The following NDST1 variants were observed in gnomAD, a reference collection of about 807,000 sequenced individuals.
NDST1 encodes the protein bifunctional heparan sulfate N-deacetylase/N-sulfotransferase 1.
In NDST1, 35 loss-of-function variants were observed where a neutral mutation model predicts 92.8. The observed-to-expected ratio is 0.38, with a 90% CI of 0.29 to 0.50. NDST1 has a LOEUF of 0.50. NDST1 is among the 20% of genes least tolerant of loss of function. NDST1 has a pLI of 0.94. For missense variants in NDST1, 822 were observed against 1,182.7 expected (o/e 0.69, Z 4.47); for synonymous variants, 493 against 500.3 (o/e 0.99, Z 0.19).
chr5:150,528,397 T>A, intron 3 of NDST1, 99 bp downstream of exon 3: 1 of 1,352,348 alleles, frequency 7.4e-7, no homozygotes, highest in Non-Finnish European at 1.0e-6. Flanking sequence ...GCATCTCCCC[T>A]ATGCTGGGAG....
intron 2 of NDST1, among the ~76,000 whole-genome samples, chr5:150,526,249 T>C (rs1377824235): frequency 6.6e-6 from 1 of 152,222 alleles, no homozygotes; most frequent in African/African-American, 2.4e-5. Flanking sequence ...ACCTCCTCTG[T>C]GTAGCATGTG....
At chr5:150,550,122 A>G (rs1233180516) in intron 13 of NDST1, among the ~76,000 whole-genome samples, 1 of 129,646 alleles carries the variant, frequency 7.7e-6, no homozygotes, top group Admixed American at 7.8e-5. Context: ...TTTTTTTTTT[A>G]GACAGGGTCA....
chr5:150,510,795 G>A (rs1187440141), intron 1 of NDST1, among the ~76,000 whole-genome samples: 2 of 152,248 alleles, frequency 1.3e-5, no homozygotes, highest in Non-Finnish European at 2.9e-5. Flanking sequence ...TTTCCTTGTT[G>A]ATTGACGGAT....
At chr5:150,498,807 C>A (rs909252210) in intron 1 of NDST1, among the ~76,000 whole-genome samples, 1 of 152,198 alleles carries the variant, frequency 6.6e-6, no homozygotes, top group African/African-American at 2.4e-5. Context: ...GGCTGGCGGC[C>A]CCTCCTCCCG....
In NDST1 at chr5:150,553,282, G is replaced by A; in HGVS notation, c.2599G>A (p.Gly867Ser). ...GCTCTCCAAGCTGCTGTATAAGATG[G>A]GCCAGACACTTCCCACTTGGCTACG... ...IELSKLLYKMGQTLPTWLRED... is the reference protein window; with the variant it reads ...IELSKLLYKMSQTLPTWLRED... Residue 867 changes from glycine to serine, a missense_variant, in exon 15 of 15, where the codon GGC becomes AGC. Coordinates refer to ENST00000261797, the MANE Select transcript of NDST1 (RefSeq NM_001543.5). This position sits in a 1 kb window ranked among gnomAD's most constrained non-coding sequence, Gnocchi z 4.2. 1 of 1,613,854 alleles carries A rather than the reference G, an allele frequency of 6.2e-7. No homozygotes were observed. The highest frequency in any genetic ancestry group is 8.5e-7 in the Non-Finnish European group (1 of 1,179,832).
chr5:150,528,048 G>A lies in NDST1; in HGVS notation c.758G>A (p.Gly253Asp). ...TRSSESIPHL[G>D]ADAGLHAALH... is the part of the protein sequence containing the mutation. ...TCGTCTGAGTCCATCCCACACCTGG[G>A]CGCAGACGCCGGCCTGCATGCTGCA... The change falls in exon 3 of 15, where the codon GGC becomes GAC. Residue 253 changes from glycine (G) to aspartate (D), a missense_variant. Gly to Asp is a moderately conservative substitution (Grantham distance 94). Coordinates refer to ENST00000261797, the MANE Select transcript of NDST1 (RefSeq NM_001543.5). The A allele has an allele frequency of 6.2e-7, 1 of 1,613,640 alleles. No individual in the cohort carries two copies. Among genetic ancestry groups the A allele is most frequent in the South Asian group, 1.1e-5 (1 of 91,040 alleles).
chr5:150,524,863 T>C (rs1427279554), intron 2 of NDST1, among the ~76,000 whole-genome samples: 1 of 152,246 alleles, frequency 6.6e-6, no homozygotes, highest in African/African-American at 2.4e-5. Flanking sequence ...GTTTTGGATT[T>C]TGGAGCATTT....
upstream of NDST1, among the ~76,000 whole-genome samples, chr5:150,505,188 G>A (rs751570683): frequency 3.3e-5 from 5 of 152,212 alleles, no homozygotes; most frequent in Non-Finnish European, 5.9e-5. Context: ...GCAGCTGGCC[G>A]GGCTGGAGGC....
intron 4 of NDST1, among the ~76,000 whole-genome samples, chr5:150,533,720 A>G (rs1350014911): frequency 1.3e-5 from 2 of 152,186 alleles, no homozygotes; most frequent in African/African-American, 4.8e-5. Flanking sequence ...TATGCAACAT[A>G]GCCCCAAAGC....
rs1178532609 is a variant in NDST1 at position 150,527,786 on chromosome 5, G to C, written c.514-18G>C. 3 of 1,612,472 alleles carry C rather than the reference G, an allele frequency of 1.9e-6. No individual in the cohort carries two copies. Among genetic ancestry groups the C allele is most frequent in the African/African-American group, 1.3e-5 (1 of 74,918 alleles). Reference sequence around the variant, plus strand: ...ATGTGACAGTTCTGTTCCCCTTCCTGCCCTCCATTGACTGCAGGCCAATGA... The same window carrying C: ...ATGTGACAGTTCTGTTCCCCTTCCTCCCCTCCATTGACTGCAGGCCAATGA... On this transcript the variant is annotated intron_variant, in intron 2 of 14. Transcript: ENST00000261797.
Position 150,553,324 on chromosome 5 carries a change from A to G in NDST1, c.2641A>G (p.Thr881Ala). 1 of 1,613,154 alleles carries G rather than the reference A, an allele frequency of 6.2e-7. No individual in the cohort carries two copies. The highest frequency in any genetic ancestry group is 8.5e-7 in the Non-Finnish European group (1 of 1,179,370). The stretch of plus-strand genomic sequence containing the variant: ...TTGGCTACGAGAGGACCTCCAGAAC[A>G]CCAGGTAGCCGTGGCCACCACAGCC... The part of the protein sequence containing the change: ...PTWLREDLQN[T>A]R The change falls in exon 15 of 15, where the codon ACC becomes GCC. Residue 881 changes from threonine to alanine, a missense_variant. Coordinates refer to ENST00000261797, the MANE Select transcript of NDST1 (RefSeq NM_001543.5). The surrounding 1 kb of genome is among the most constrained non-coding windows in gnomAD (Gnocchi z 4.2).
chr5:150,543,597 T>C (rs1191551682), intron 10 of NDST1, among the ~76,000 whole-genome samples: 1 of 152,220 alleles, frequency 6.6e-6, no homozygotes, highest in Non-Finnish European at 1.5e-5. Context: ...TCATGTCAGG[T>C]AGGTAATGTG....
At chr5:150,511,028 G>C (rs762180742) in intron 1 of NDST1, among the ~76,000 whole-genome samples, 3 of 152,234 alleles carry the variant, frequency 2.0e-5, no homozygotes, top group Non-Finnish European at 4.4e-5. Context: ...GCTGTGTGCT[G>C]AAGTTCCCAT....
Position 150,556,272 on chromosome 5 carries a change from G to A in NDST1, c.*2940G>A, listed in dbSNP as rs1755867815. 6.6e-6 allele frequency: 1 copy of A among 152,234 alleles called. No individual in the cohort carries two copies. 9.4% of individuals were successfully genotyped at this position (152,234 alleles called of 1,614,324 possible). On this transcript the variant is annotated 3_prime_UTR_variant, in exon 15 of 15. Coordinates refer to ENST00000261797, the MANE Select transcript of NDST1 (RefSeq NM_001543.5). ...GCGAGTGTCACCTGCAGCTGCCTCAGTCATTCAGAGTTCCAGAGCCTTCTG... is the reference window on the plus strand; with the variant it reads ...GCGAGTGTCACCTGCAGCTGCCTCAATCATTCAGAGTTCCAGAGCCTTCTG...
intron 1 of NDST1, among the ~76,000 whole-genome samples, chr5:150,515,976 C>T (rs1367188330): frequency 6.6e-6 from 1 of 151,154 alleles, no homozygotes; most frequent in South Asian, 2.1e-4. Context: ...CCACCCCCAC[C>T]CCAGGGTATT....
chr5:150,541,286 C>T (rs1173404372), intron 8 of NDST1, among the ~76,000 whole-genome samples: 1 of 152,122 alleles, frequency 6.6e-6, no homozygotes, highest in Non-Finnish European at 1.5e-5. Context: ...GTTTCTTGAC[C>T]CCCTGGTTCA....
chr5:150,508,821 C>T (rs1280888193), intron 1 of NDST1, among the ~76,000 whole-genome samples: 1 of 152,184 alleles, frequency 6.6e-6, no homozygotes, highest in East Asian at 1.9e-4. Flanking sequence ...CTGCTAATAG[C>T]CATCATTAGA....
In NDST1 at chr5:150,551,347, AC is replaced by A. The variant is rs558546942; in HGVS notation, c.2427-402del. ...AAAAGCAAAAGAACCTCCACTAAAC[AC>A]CCCTCTTCCCATTGACGCTGGGAGG... is the stretch of plus-strand genomic sequence containing the variant. On this transcript the variant is annotated intron_variant, in intron 13 of 14. Transcript: ENST00000261797. 5.8e-3 allele frequency among the ~76,000 whole-genome samples: 873 copies of A among 151,300 alleles called. 11 individuals carry two copies. In the Middle Eastern group the frequency reaches 0.062, roughly 11 times the overall value.
At chr5:150,544,851 G>C (rs1002767192) in intron 10 of NDST1, among the ~76,000 whole-genome samples, 1 of 152,142 alleles carries the variant, frequency 6.6e-6, no homozygotes, top group African/African-American at 2.4e-5. Context: ...CCCCAGGTCA[G>C]GAAAGAAAGT....
Sources: allele counts gnomAD v4.1 joint callset (sites outside exome capture counted in the v4.1 genomes callset), GRCh38; gene constraint gnomAD v4.1.1; non-coding constraint Gnocchi (gnomAD v3.1); transcripts MANE v1.5; gene names NCBI Gene and HGNC (gene_info 2026-07-23, HGNC 2026-07-21).